Variants in PIDD1 observed in about 807,000 individuals in gnomAD.
The protein encoded by PIDD1 is p53-induced death domain-containing protein 1.
In PIDD1, 72 loss-of-function variants were observed where a neutral mutation model predicts 80.0. The observed-to-expected ratio is 0.90, with a 90% CI of 0.74 to 1.09. The LOEUF (loss-of-function observed/expected upper bound fraction) is 1.09. PIDD1 is among the 50% of genes least tolerant of loss of function. PIDD1 has a pLI of 0.00. For synonymous variants in PIDD1, 655 were observed against 543.5 expected (o/e 1.21, Z -2.85); for missense variants, 1,329 against 1,228.3 (o/e 1.08, Z -1.23).
chr11:802,311 TG>T lies in PIDD1; in HGVS notation c.1059del (p.Ile354SerfsTer161). On this transcript the variant is annotated frameshift_variant, in exon 6 of 16. Coordinates refer to ENST00000347755, the MANE Select transcript of PIDD1 (RefSeq NM_145886.4). LOFTEE classifies it high-confidence loss of function. ...AGCAGCAGCCGATAGCGGATGGTGA[TG>T]GGGGTGGCGGTGGCTCCCGCTGGGA... ...LQFPAGATAT[P>X]ITIRYRLLLP... The T allele has an allele frequency of 1.9e-6, 3 of 1,612,012 alleles. No individual in the cohort carries two copies. Among genetic ancestry groups the T allele is most frequent in the Non-Finnish European group, 2.5e-6 (3 of 1,179,734 alleles).
rs61748607 is a variant in PIDD1, at chr11:799,493, A to G, written c.2547T>C (p.Ala849=). Residue 849 remains alanine (A), a synonymous_variant, in exon 16 of 16, where the codon GCT becomes GCC. Transcript: ENST00000347755. ...CCAGGGCCTGCACCAGGAGCCCCAC[A>G]GCCCCTGGCTGCCCAGCCTGGCGCT... The part of the protein sequence containing the change: ...WAERQAGQPG[A]VGLLVQALEQ... 1.9e-5 allele frequency: 31 copies of G among 1,608,006 alleles called. No homozygotes were observed. The highest frequency in any genetic ancestry group is 2.4e-5 in the Non-Finnish European group (28 of 1,179,844).
intron 2 of PIDD1, 34 bp downstream of exon 2, chr11:804,060 G>A (rs1865592665): frequency 6.4e-7 from 1 of 1,569,662 alleles, no homozygotes; most frequent in Non-Finnish European, 8.7e-7. Flanking sequence ...CAGAGCGAGA[G>A]ATGGAGACAG....
In PIDD1 at chr11:802,533, C is replaced by A. The variant is rs1174184402; in HGVS notation, c.974+10G>T. The A allele has an allele frequency of 5.0e-6, 8 of 1,612,890 alleles. No individual in the cohort carries two copies. The African/African-American group carries it at 8.0e-5, about 16-fold the overall frequency. ...AGACTCCCCTCCAGCCCCCTCAACC[C>A]ACCCCATACCTGTCCAAATCTGAGG... is the stretch of plus-strand genomic sequence containing the variant. On this transcript the variant is annotated intron_variant, in intron 5 of 15. Coordinates refer to ENST00000347755, the MANE Select transcript of PIDD1 (RefSeq NM_145886.4).
intron 6 of PIDD1, 35 bp downstream of exon 6, chr11:802,160 G>T: frequency 6.4e-7 from 1 of 1,567,054 alleles, no homozygotes. Flanking sequence ...CCATGCCCTG[G>T]CCCACACACT....
At chr11:809,217 G>A (rs796766253), upstream of PIDD1, among the ~76,000 whole-genome samples, 37 of 152,364 alleles carry the variant, frequency 2.4e-4, no homozygotes, top group African/African-American at 8.4e-4. Context: ...GTCAGTTCCG[G>A]GCCAAAGCGG....
At chr11:805,470 C>T (rs1286731761), upstream of PIDD1, 2 of 382,818 alleles carry the variant, frequency 5.2e-6, no homozygotes, top group Non-Finnish European at 7.2e-6. Context: ...GGGGTCGGAG[C>T]CGTACAGCCT....
chr11:804,058 G>A, intron 2 of PIDD1, 36 bp downstream of exon 2: 1 of 1,566,662 alleles, frequency 6.4e-7, no homozygotes, highest in East Asian at 2.3e-5. Flanking sequence ...GGCAGAGCGA[G>A]AGATGGAGAC....
chr11:800,052 ACCC>A, intron 14 of PIDD1, 38 bp from the exon 15 acceptor site: 1 of 1,606,840 alleles, frequency 6.2e-7, no homozygotes, highest in South Asian at 1.1e-5. Context: ...CCTGGGCTCC[ACCC>A]CCAACTCCAC....
intron 14 of PIDD1, 47 bp downstream of exon 14, chr11:800,084 C>A (rs777597968): frequency 6.2e-7 from 1 of 1,604,492 alleles, no homozygotes; most frequent in Non-Finnish European, 8.5e-7. Context: ...CCTGGTCACC[C>A]CTGGGCCTCG....
At chr11:802,931 C>G (rs1388647876) in intron 3 of PIDD1, 40 bp from the exon 4 acceptor site, 3 of 1,506,768 alleles carry the variant, frequency 2.0e-6, no homozygotes, top group African/African-American at 1.4e-5. Flanking sequence ...ACCAGCCCAG[C>G]CCACGGCGCT....
At chr11:805,017 G>C (rs530582364) in intron 1 of PIDD1, 162 bp downstream of exon 1, 1 of 168,670 alleles carries the variant, frequency 5.9e-6, no homozygotes, top group Admixed American at 6.5e-5. Flanking sequence ...GGTCCACTGG[G>C]GAGGGTGGTG....
chr11:800,200 C>A lies in PIDD1; in HGVS notation c.2205G>T (p.Glu735Asp), dbSNP rs2133756513. 6.2e-7 allele frequency: 1 copy of A among 1,610,904 alleles called. No homozygotes were observed. Among genetic ancestry groups the A allele is most frequent in the East Asian group, 2.2e-5 (1 of 44,858 alleles). The change falls in exon 14 of 16, where the codon GAG becomes GAT. Residue 735 changes from glutamate to aspartate, a missense_variant. By Grantham distance (45) the Glu-to-Asp change is conservative (BLOSUM62 2). Coordinates refer to ENST00000347755, the MANE Select transcript of PIDD1 (RefSeq NM_145886.4). ...CCTTCCTCTGCCGGGCAGCCTCAGCCTCCTCGGGCACCCGCACAGGCACCG... is the reference window on the plus strand; with the variant it reads ...CCTTCCTCTGCCGGGCAGCCTCAGCATCCTCGGGCACCCGCACAGGCACCG... Reference protein sequence around the residue: ...RGAVPVRVPEEAEAARQRKGA... With the variant: ...RGAVPVRVPEDAEAARQRKGA...
chr11:806,907 A>G (rs931233966), upstream of PIDD1, among the ~76,000 whole-genome samples: 10 of 152,018 alleles, frequency 6.6e-5, no homozygotes, highest in Non-Finnish European at 1.3e-4. Context: ...AAAACCAACC[A>G]CAGGCCTGAT....
rs1467818651 is a variant in PIDD1 at position 802,725 on chromosome 11, C to T, written c.876G>A (p.Gly292=). 1.2e-6 allele frequency: 2 copies of T among 1,611,666 alleles called. No individual in the cohort carries two copies. Among genetic ancestry groups the T allele is most frequent in the African/African-American group, 2.7e-5 (2 of 74,892 alleles). The change falls in exon 4 of 16, where the codon GGG becomes GGA. Residue 292 remains glycine, a synonymous_variant. Transcript: ENST00000347755. ...LLDAPFVRLQ[G]NPLGEASPDA... ...CTGGCGAGGCCTCACCCAGGGGGTTCCCCTGCAGGCGCACAAAGGGGGCGT... is the reference window on the plus strand; with the variant it reads ...CTGGCGAGGCCTCACCCAGGGGGTTTCCCTGCAGGCGCACAAAGGGGGCGT...
rs1038385406 is a variant in PIDD1, at chr11:803,386, G to C, written c.497C>G (p.Ala166Gly). The C allele has an allele frequency of 6.2e-7, 1 of 1,614,004 alleles. No individual in the cohort carries two copies. Among genetic ancestry groups the C allele is most frequent in the Admixed American group, 1.7e-5 (1 of 60,034 alleles). Residue 166 changes from alanine (A) to glycine (G), a missense_variant, in exon 3 of 16, where the codon GCT becomes GGT. Coordinates refer to ENST00000347755, the MANE Select transcript of PIDD1 (RefSeq NM_145886.4). ...SHNCLSELPEALGALPALTFL... is the reference protein window; with the variant it reads ...SHNCLSELPEGLGALPALTFL... ...GGTGAGGGCGGGGAGGGCCCCCAGA[G>C]CCTCAGGCAGCTCAGAGAGGCAGTT...
In PIDD1 at chr11:800,175, C is replaced by T. The variant is rs2133756143; in HGVS notation, c.2230G>A (p.Gly744Ser). ...GTGGCCATCCACAGGGCGTCTGCGC[C>T]CTTCCTCTGCCGGGCAGCCTCAGCC... ...EEAEAARQRK[G>S]ADALWMATLP... is the part of the protein sequence containing the mutation. The change falls in exon 14 of 16, where the codon GGC (glycine) becomes AGC (serine). Residue 744 changes from glycine to serine, a missense_variant. Gly to Ser is a moderately conservative substitution (Grantham distance 56, BLOSUM62 0). Coordinates refer to ENST00000347755, the MANE Select transcript of PIDD1 (RefSeq NM_145886.4). The T allele has an allele frequency of 6.2e-7, 1 of 1,611,112 alleles. No homozygotes were observed. The highest frequency in any genetic ancestry group is 8.5e-7 in the Non-Finnish European group (1 of 1,179,522).
At chr11:807,644 G>A (rs1332713509), upstream of PIDD1, among the ~76,000 whole-genome samples, 1 of 152,138 alleles carries the variant, frequency 6.6e-6, no homozygotes, top group Non-Finnish European at 1.5e-5. Flanking sequence ...GGGCGCGGTA[G>A]CAGGCGCCTG....
upstream of PIDD1, among the ~76,000 whole-genome samples, chr11:806,628 G>A (rs1014208585): frequency 6.6e-6 from 1 of 151,560 alleles, no homozygotes; most frequent in East Asian, 1.9e-4. Context: ...TGTCCCAGAG[G>A]CTGGAGTGCA....
chr11:799,505 C>G lies in PIDD1; in HGVS notation c.2535G>C (p.Gly845=), dbSNP rs1442782367. ...MLFSWAERQA[G]QPGAVGLLVQ... is the part of the protein sequence containing the mutation. ...CCAGGAGCCCCACAGCCCCTGGCTG[C>G]CCAGCCTGGCGCTCAGCCCAGGAGA... is the stretch of plus-strand genomic sequence containing the variant. The change falls in exon 16 of 16, where the codon GGG becomes GGC. Residue 845 remains glycine, a synonymous_variant. Coordinates refer to ENST00000347755, the MANE Select transcript of PIDD1 (RefSeq NM_145886.4). The G allele has an allele frequency of 1.2e-6, 2 of 1,606,764 alleles. No individual in the cohort carries two copies. Among genetic ancestry groups the G allele is most frequent in the Admixed American group, 3.3e-5 (2 of 59,970 alleles).
Sources: gnomAD v4.1 joint callset for allele counts (sites outside exome capture counted in the v4.1 genomes callset) on GRCh38, gnomAD v4.1.1 for gene constraint, MANE v1.5 for transcripts, NCBI Gene and HGNC (gene_info 2026-07-23, HGNC 2026-07-21) for gene names.